The following SLC38A12 variants were observed in gnomAD, a reference collection of about 807,000 sequenced individuals.
The protein encoded by SLC38A12 is solute carrier family 38 member 12.
chr17:74,795,414 A>G, the SLC38A12 span: 5 of 934,882 alleles, frequency 5.3e-6, no homozygotes, highest in Non-Finnish European at 8.1e-6. Flanking sequence ...TGGTTTGTGA[A>G]AAGTCTGATT....
the SLC38A12 span, among the ~76,000 whole-genome samples, chr17:74,815,306 G>A: frequency 4.6e-5 from 7 of 152,220 alleles, no homozygotes; most frequent in South Asian, 2.1e-4. Context: ...AGGGCAGGGC[G>A]GATCAAAGGA....
At chr17:74,835,816 A>G in the SLC38A12 span, 35 of 1,497,650 alleles carry the variant, frequency 2.3e-5, no homozygotes, top group Non-Finnish European at 3.1e-5. Context: ...CATGCATTTA[A>G]TGACTCTTTC....
chr17:74,777,763 T>C, the SLC38A12 span: 2 of 479,400 alleles, frequency 4.2e-6, no homozygotes, highest in African/African-American at 4.0e-5. Context: ...CTACTAAAAA[T>C]ACAAAATTAG....
chr17:74,793,749 C>T, the SLC38A12 span, among the ~76,000 whole-genome samples: 87 of 152,258 alleles, frequency 5.7e-4, no homozygotes, highest in East Asian at 0.016. Context: ...AGGCCAACCC[C>T]AGAGGCCACT....
chr17:74,802,658 CAGTAG>C, the SLC38A12 span, among the ~76,000 whole-genome samples: 2 of 152,186 alleles, frequency 1.3e-5, no homozygotes, highest in African/African-American at 4.8e-5. Context: ...ATTATACTCA[CAGTAG>C]AGCATCTTAA....
the SLC38A12 span, chr17:74,836,656 C>T: frequency 6.2e-7 from 1 of 1,608,734 alleles, no homozygotes; most frequent in Admixed American, 1.7e-5. The surrounding 1 kb of genome is among the most constrained non-coding windows in gnomAD (Gnocchi z 4.2). Flanking sequence ...TTCGTCACGG[C>T]CAATATCATC....
the SLC38A12 span, among the ~76,000 whole-genome samples, chr17:74,782,426 AG>A: frequency 6.6e-6 from 1 of 152,148 alleles, no homozygotes; most frequent in Non-Finnish European, 1.5e-5. Context: ...CGTGAGTTCA[AG>A]GGCCGTATCT....
chr17:74,781,403 G>C, the SLC38A12 span, among the ~76,000 whole-genome samples: 2 of 152,046 alleles, frequency 1.3e-5, no homozygotes, highest in Admixed American at 1.3e-4. Flanking sequence ...TCCCATCTCA[G>C]TCTTCCAAGT....
the SLC38A12 span, among the ~76,000 whole-genome samples, chr17:74,805,294 A>G: frequency 2.0e-5 from 3 of 152,214 alleles, no homozygotes; most frequent in Admixed American, 2.0e-4. The surrounding 1 kb of genome is among the most constrained non-coding windows in gnomAD (Gnocchi z 5.0). Flanking sequence ...GTGCTGCCAC[A>G]TCCTGGAGTC....
the SLC38A12 span, chr17:74,835,891 G>C: frequency 6.4e-7 from 1 of 1,568,278 alleles, no homozygotes; most frequent in Non-Finnish European, 8.6e-7. Context: ...GGCCGTGCCT[G>C]TCCCCACCAG....
At chr17:74,818,340 G>T in the SLC38A12 span, among the ~76,000 whole-genome samples, 501 of 152,342 alleles carry the variant, frequency 3.3e-3, 3 homozygotes, top group African/African-American at 0.011. Flanking sequence ...GCAGAAAGCT[G>T]CTCTTTCCAA....
the SLC38A12 span, among the ~76,000 whole-genome samples, chr17:74,817,020 C>A: frequency 7.7e-6 from 1 of 129,296 alleles, no homozygotes. Context: ...CTCCCGCCCC[C>A]GTCCCTCCCC....
At chr17:74,800,465 T>C in the SLC38A12 span, among the ~76,000 whole-genome samples, 2 of 152,264 alleles carry the variant, frequency 1.3e-5, no homozygotes, top group African/African-American at 4.8e-5. Flanking sequence ...TGGTCTCTGT[T>C]CTTCTAGCGT....
At chr17:74,833,795 A>G in the SLC38A12 span, among the ~76,000 whole-genome samples, 1 of 152,180 alleles carries the variant, frequency 6.6e-6, no homozygotes, top group Non-Finnish European at 1.5e-5. Context: ...TCAAGGTGGT[A>G]CCTCGAGATG....
chr17:74,811,103 G>A, the SLC38A12 span, among the ~76,000 whole-genome samples: 1 of 152,200 alleles, frequency 6.6e-6, no homozygotes, highest in African/African-American at 2.4e-5. Context: ...GCCAAGGAAG[G>A]CAGATTGCTT....
the SLC38A12 span, chr17:74,836,064 C>G: frequency 2.5e-6 from 4 of 1,613,570 alleles, no homozygotes; most frequent in East Asian, 4.5e-5. This position sits in a 1 kb window ranked among gnomAD's most constrained non-coding sequence, Gnocchi z 4.2. Context: ...CCAGCACTCT[C>G]TGCCATCCCT....
At chr17:74,823,998 G>C in the SLC38A12 span, among the ~76,000 whole-genome samples, 2 of 152,370 alleles carry the variant, frequency 1.3e-5, no homozygotes, top group South Asian at 4.1e-4. Context: ...ACCGTCTTCA[G>C]CATCATCTTG....
At chr17:74,798,491 C>T in the SLC38A12 span, among the ~76,000 whole-genome samples, 1 of 152,210 alleles carries the variant, frequency 6.6e-6, no homozygotes, top group African/African-American at 2.4e-5. Flanking sequence ...CCTGACGACC[C>T]TTGTCCATAT....
the SLC38A12 span, among the ~76,000 whole-genome samples, chr17:74,830,580 C>T: frequency 3.3e-5 from 5 of 152,200 alleles, no homozygotes; most frequent in Admixed American, 6.5e-5. Context: ...CTGACCGCCA[C>T]GCTTGAGGTT....
Sources: allele counts gnomAD v4.1 joint callset (sites outside exome capture counted in the v4.1 genomes callset), GRCh38; gene constraint gnomAD v4.1.1; non-coding constraint Gnocchi (gnomAD v3.1); transcripts MANE v1.5; gene names NCBI Gene and HGNC (gene_info 2026-07-23, HGNC 2026-07-21).